The following ZGRF1 variants were observed in gnomAD, a reference collection of about 807,000 sequenced individuals.
ZGRF1 encodes zinc finger GRF-type containing 1.
ZGRF1 carries 196 observed loss-of-function variants against 203.5 expected under a neutral mutation model. That is an observed-to-expected ratio of 0.96 (90% CI 0.86 to 1.08). The LOEUF (loss-of-function observed/expected upper bound fraction) is 1.08, where lower values mean the gene tolerates loss of function less well. Ranked by LOEUF, ZGRF1 falls within the 50% of genes least tolerant of loss-of-function variation. ZGRF1 has a pLI of 0.00. For missense variants in ZGRF1, 2,326 were observed against 2,416.3 expected, an observed-to-expected ratio of 0.96 and a Z score of 0.78; for synonymous variants, 809 against 841.3, an observed-to-expected ratio of 0.96 and a Z score of 0.66.
In ZGRF1 at chr4:112,587,280, C is replaced by G; in HGVS notation, c.3777G>C (p.Gln1259His). 6.3e-7 allele frequency: 1 copy of G among 1,599,050 alleles called. No individual in the cohort carries two copies. The highest frequency in any genetic ancestry group is 1.1e-5 in the South Asian group (1 of 88,990). Residue 1259 changes from glutamine to histidine, a missense_variant and splice_region_variant, in exon 12 of 28, where the codon CAG becomes CAC. By Grantham distance (24) the Gln-to-His change is conservative. Coordinates refer to ENST00000505019, the MANE Select transcript of ZGRF1 (RefSeq NM_018392.5). ...CCACAAGACCGGTACATTTCCTCAC[C>G]TGTAAATCCTTTACACTGTAGTTGT... ...TCYNYSVKDL[Q>H]EISGSELCFP...
chr4:112,540,410 G>C (rs1299117044), intron 26 of ZGRF1, among the ~76,000 whole-genome samples: 2 of 151,990 alleles, frequency 1.3e-5, no homozygotes, highest in South Asian at 2.1e-4. Flanking sequence ...AAAATACTAA[G>C]AGAAAAATCT....
intron 16 of ZGRF1, among the ~76,000 whole-genome samples, chr4:112,574,496 A>C (rs926153356): frequency 4.6e-5 from 7 of 152,158 alleles, no homozygotes; most frequent in African/African-American, 1.2e-4. Context: ...TCAAAATGAT[A>C]ATTACCTTGG....
At chr4:112,635,654 A>G (rs2047585310) in intron 1 of ZGRF1, among the ~76,000 whole-genome samples, 1 of 149,586 alleles carries the variant, frequency 6.7e-6, no homozygotes, top group African/African-American at 2.4e-5. Flanking sequence ...GTAATATACA[A>G]TTATATGATT....
chr4:112,633,238 A>G lies in ZGRF1; in HGVS notation c.-62T>C, dbSNP rs927942524. ...AAATAGGAAATATTCAACTATTTATACCACCTAAAATTAAAAATGACATAA... is the reference window on the plus strand; with the variant it reads ...AAATAGGAAATATTCAACTATTTATGCCACCTAAAATTAAAAATGACATAA... On this transcript the variant is annotated 5_prime_UTR_variant, in exon 2 of 28. Coordinates refer to ENST00000505019, the MANE Select transcript of ZGRF1 (RefSeq NM_018392.5). The G allele has an allele frequency of 6.3e-6, 8 of 1,265,250 alleles. No homozygotes were observed. The highest frequency in any genetic ancestry group is 3.4e-6 in the Non-Finnish European group (3 of 886,462). The allele number at this position is 1,265,250 out of a possible 1,614,324, so 78.4% of individuals were successfully genotyped here. A position where few individuals can be genotyped will look rare whatever the true frequency, so the allele number is the denominator to read the frequency against.
intron 7 of ZGRF1, chr4:112,610,889 A>C (rs1275540652): frequency 4.1e-6 from 1 of 244,586 alleles, no homozygotes; most frequent in African/African-American, 2.4e-5. Flanking sequence ...AACGATATTA[A>C]GGGGAAAGGA....
intron 1 of ZGRF1, among the ~76,000 whole-genome samples, chr4:112,634,742 G>A (rs892679418): frequency 6.6e-6 from 1 of 152,162 alleles, no homozygotes; most frequent in Non-Finnish European, 1.5e-5. Context: ...TCTGGAGAAA[G>A]AATAGGTAAG....
chr4:112,550,774 A>C (rs1739804619), intron 22 of ZGRF1, among the ~76,000 whole-genome samples: 1 of 152,136 alleles, frequency 6.6e-6, no homozygotes, highest in Non-Finnish European at 1.5e-5. Context: ...AATCGCTTGA[A>C]CCCAGGAAGC....
chr4:112,589,577 AG>A, intron 11 of ZGRF1, 146 bp downstream of exon 11: 1 of 672,646 alleles, frequency 1.5e-6, no homozygotes. Flanking sequence ...TGATAGAAAA[AG>A]TTCAAAGGAA....
At position 112,619,207 on chromosome 4, in the gene ZGRF1, GA is replaced by G; in HGVS notation, c.834del (p.Pro279LeufsTer9). ...AAACTTCCTTGTGGTTGTTTTTGAG[GA>G]AAATGCTCTGTCATCTCAGAATTTA... Reference protein sequence around the residue: ...EELNSEMTEHFPQKQPQGSLK... With the variant: ...EELNSEMTEHXPQKQPQGSLK... On this transcript the variant is annotated frameshift_variant, in exon 6 of 28. Coordinates refer to ENST00000505019, the MANE Select transcript of ZGRF1 (RefSeq NM_018392.5). LOFTEE classifies it high-confidence loss of function. 1 of 1,613,168 alleles carries G rather than the reference GA, an allele frequency of 6.2e-7. No individual in the cohort carries two copies. The highest frequency in any genetic ancestry group is 1.1e-5 in the South Asian group (1 of 91,068).
intron 19 of ZGRF1, among the ~76,000 whole-genome samples, chr4:112,559,734 G>T (rs1741590657): frequency 6.6e-6 from 1 of 152,102 alleles, no homozygotes; most frequent in Admixed American, 6.5e-5. Context: ...TGCAGAGTAG[G>T]AAATTAAAGA....
Position 112,617,991 on chromosome 4 carries a change from C to A in ZGRF1, c.2051G>T (p.Gly684Val), listed in dbSNP as rs2046940529. Residue 684 changes from glycine (G) to valine (V), a missense_variant, in exon 6 of 28, where the codon GGT (glycine) becomes GTT (valine). Coordinates refer to ENST00000505019, the MANE Select transcript of ZGRF1 (RefSeq NM_018392.5). ...AGGAATATGTAAATTCATGTTTATA[C>A]CTTTAGATTTATTCGGGGGTAAAGC... ...DFALPPNKSK[G>V]INMNLHIPHI... 2 of 1,612,454 alleles carry A rather than the reference C, an allele frequency of 1.2e-6. No homozygotes were observed. Among genetic ancestry groups the A allele is most frequent in the African/African-American group, 2.7e-5 (2 of 74,866 alleles).
At chr4:112,553,632 G>T (rs1477695539) in intron 22 of ZGRF1, among the ~76,000 whole-genome samples, 1 of 152,190 alleles carries the variant, frequency 6.6e-6, no homozygotes, top group Non-Finnish European at 1.5e-5. Flanking sequence ...ATCTATTCAC[G>T]AATTTGAAGA....
Position 112,619,093 on chromosome 4 carries a change from A to G in ZGRF1, c.949T>C (p.Ser317Pro). ...STENLYYQHQ[S>P]ENTMRNKSRW... Reference sequence around the variant, plus strand: ...CTTTTATTTCTCATGGTATTTTCTGATTGATGCTGGTAGTATAAATTTTCT... The same window carrying G: ...CTTTTATTTCTCATGGTATTTTCTGGTTGATGCTGGTAGTATAAATTTTCT... Residue 317 changes from serine (S) to proline (P), a missense_variant, in exon 6 of 28, where the codon TCA (serine) becomes CCA (proline). Transcript: ENST00000505019. 1.2e-6 allele frequency: 2 copies of G among 1,613,786 alleles called. No individual in the cohort carries two copies. Among genetic ancestry groups the G allele is most frequent in the Non-Finnish European group, 1.7e-6 (2 of 1,179,900 alleles).
chr4:112,609,746 CAA>C (rs1751304686), intron 7 of ZGRF1, among the ~76,000 whole-genome samples: 1 of 148,932 alleles, frequency 6.7e-6, no homozygotes, highest in African/African-American at 2.5e-5. Context: ...TGCAGTGGGC[CAA>C]GATTGCGCCA....
At chr4:112,607,341 C>A in intron 8 of ZGRF1, among the ~76,000 whole-genome samples, 1 of 151,986 alleles carries the variant, frequency 6.6e-6, no homozygotes, top group Non-Finnish European at 1.5e-5. Context: ...ACTGTATTGC[C>A]CACACTGATC....
In ZGRF1 at chr4:112,542,587, GT is replaced by G. The variant is rs1737855293; in HGVS notation, c.5599-1320del. The stretch of plus-strand genomic sequence containing the variant: ...TAAGGGCAGTGAAGTTATTACAGAT[GT>G]TTTTGTTTTGTTTTTACCTTTTTTC... On this transcript the variant is annotated intron_variant, in intron 24 of 27. Coordinates refer to ENST00000505019, the MANE Select transcript of ZGRF1 (RefSeq NM_018392.5). Among the ~76,000 whole-genome samples the G allele has an allele frequency of 2.6e-5, 4 of 152,090 alleles. No homozygotes were observed. In the South Asian group the frequency reaches 8.3e-4, roughly 32 times the overall value.
At chr4:112,606,743 T>C (rs1046299931) in intron 8 of ZGRF1, among the ~76,000 whole-genome samples, 4 of 151,930 alleles carry the variant, frequency 2.6e-5, no homozygotes, top group Non-Finnish European at 5.9e-5. Flanking sequence ...ATGCAGATCA[T>C]CTATTTTAAA....
intron 19 of ZGRF1, among the ~76,000 whole-genome samples, chr4:112,560,031 A>T (rs895813607): frequency 1.3e-5 from 2 of 152,224 alleles, no homozygotes. Flanking sequence ...TCTTGAGAGA[A>T]AGAAAAATCT....
At chr4:112,613,990 T>A (rs2046780598) in intron 6 of ZGRF1, among the ~76,000 whole-genome samples, 1 of 152,148 alleles carries the variant, frequency 6.6e-6, no homozygotes, top group South Asian at 2.1e-4. Flanking sequence ...TTCTAACAAG[T>A]TTTTTTAAAA....
Sources: gnomAD v4.1 joint callset for allele counts (sites outside exome capture counted in the v4.1 genomes callset) on GRCh38, gnomAD v4.1.1 for gene constraint, MANE v1.5 for transcripts, NCBI Gene and HGNC (gene_info 2026-07-23, HGNC 2026-07-21) for gene names.